NOX4: variants seen among roughly 807,000 people sequenced by gnomAD.
The protein encoded by NOX4 is kidney oxidase-1.
NOX4 carries 69 observed loss-of-function variants against 87.6 expected under a neutral mutation model. The observed-to-expected ratio is 0.79, with a 90% CI of 0.65 to 0.96. NOX4 has a LOEUF of 0.96. NOX4 is among the 40% of genes least tolerant of loss of function. The pLI is 0.00. For synonymous variants in NOX4, 275 were observed against 238.2 expected (o/e 1.15, Z -1.42); for missense variants, 680 against 681.5 (o/e 1.00, Z 0.02).
intron 7 of NOX4, among the ~76,000 whole-genome samples, chr11:89,423,692 T>A (rs1238376203): frequency 6.6e-6 from 1 of 151,628 alleles, no homozygotes; most frequent in Admixed American, 6.6e-5. Flanking sequence ...TTTGCTAAAT[T>A]AAAAAAAACA....
chr11:89,536,138 C>CT, the NOX4 span, among the ~76,000 whole-genome samples: 2,709 of 89,010 alleles, frequency 0.03, 348 homozygotes, highest in African/African-American at 0.082. Flanking sequence ...TGGTCCTTTT[C>CT]TTTTTTTTTT....
intron 8 of NOX4, among the ~76,000 whole-genome samples, chr11:89,419,969 T>C (rs917818491): frequency 3.3e-5 from 5 of 152,062 alleles, no homozygotes; most frequent in Admixed American, 6.6e-5. Flanking sequence ...CTATCTGATA[T>C]AGGGACATAG....
rs918224074 is a variant in NOX4, at chr11:89,457,197, G to A, written c.154-5302C>T. Among the ~76,000 whole-genome samples the A allele has an allele frequency of 1.1e-4, 16 of 152,270 alleles. No homozygotes were observed. The East Asian group carries it at 1.5e-3, about 15-fold the overall frequency. On this transcript the variant is annotated intron_variant, in intron 2 of 17. Coordinates refer to ENST00000263317, the MANE Select transcript of NOX4 (RefSeq NM_016931.5). ...CTCACCTCCCTTACCCAGCCAGTAC[G>A]TGTGTGTGAATGCATCCCACTGTGT...
At chr11:89,493,736 A>T (rs894075828), upstream of NOX4, among the ~76,000 whole-genome samples, 2 of 144,692 alleles carry the variant, frequency 1.4e-5, no homozygotes, top group African/African-American at 5.3e-5. Flanking sequence ...TATTATTATT[A>T]TTATTATTAT....
the NOX4 span, among the ~76,000 whole-genome samples, chr11:89,526,816 A>C: frequency 5.3e-5 from 8 of 152,224 alleles, no homozygotes; most frequent in African/African-American, 1.9e-4. Flanking sequence ...AGTCCCAGGC[A>C]GTTCTTTATA....
intron 8 of NOX4, among the ~76,000 whole-genome samples, chr11:89,420,694 A>T (rs373151381): frequency 1.2e-3 from 178 of 152,338 alleles, no homozygotes; most frequent in South Asian, 8.9e-3. Flanking sequence ...GATAAATTAC[A>T]TTATAAAACA....
At chr11:89,417,758 T>C (rs1293417062) in intron 8 of NOX4, among the ~76,000 whole-genome samples, 2 of 152,112 alleles carry the variant, frequency 1.3e-5, no homozygotes, top group Non-Finnish European at 2.9e-5. Context: ...TTGTTCTTAC[T>C]AACATTTATT....
intron 12 of NOX4, among the ~76,000 whole-genome samples, chr11:89,358,891 C>A (rs943771762): frequency 6.6e-6 from 1 of 151,974 alleles, no homozygotes; most frequent in Non-Finnish European, 1.5e-5. Flanking sequence ...ACAGCTCAGT[C>A]CTTTCACAGG....
Position 89,335,897 on chromosome 11 carries a change from C to T in NOX4, c.1564G>A (p.Gly522Arg), listed in dbSNP as rs1945688450. The change falls in exon 17 of 18, where the codon GGA becomes AGA. Residue 522 changes from glycine (G) to arginine (R), a missense_variant. Transcript: ENST00000263317. ...YHALNSRLFI[G>R]RPRWKLLFDE... is the part of the protein sequence containing the mutation. ...AACAAAAGTTTCCACCGAGGACGTC[C>T]TATAAACAGTCTTGAATTCAGTGCA... 1 of 1,601,342 alleles carries T rather than the reference C, an allele frequency of 6.2e-7. No individual in the cohort carries two copies. The highest frequency in any genetic ancestry group is 8.5e-7 in the Non-Finnish European group (1 of 1,173,850).
chr11:89,523,478 C>A, the NOX4 span, among the ~76,000 whole-genome samples: 1 of 152,150 alleles, frequency 6.6e-6, no homozygotes, highest in Admixed American at 6.5e-5. Context: ...TTAAAAGCTG[C>A]CATCTAAATG....
chr11:89,472,634 A>G (rs756851502), intron 2 of NOX4, among the ~76,000 whole-genome samples: 1 of 152,178 alleles, frequency 6.6e-6, no homozygotes, highest in Admixed American at 6.5e-5. Flanking sequence ...AAGGACACAT[A>G]GCTATTACAG....
chr11:89,442,866 G>C (rs145209475), intron 5 of NOX4, among the ~76,000 whole-genome samples: 2 of 152,240 alleles, frequency 1.3e-5, no homozygotes, highest in East Asian at 3.9e-4. Flanking sequence ...TCTGAAAAGA[G>C]AAGAAAAGAA....
intron 7 of NOX4, among the ~76,000 whole-genome samples, chr11:89,425,735 T>A (rs1327716604): frequency 6.6e-6 from 1 of 152,064 alleles, no homozygotes; most frequent in East Asian, 1.9e-4. Flanking sequence ...ACAGTATTAA[T>A]CTTTGGGTAG....
At chr11:89,517,510 C>T in the NOX4 span, among the ~76,000 whole-genome samples, 1 of 151,798 alleles carries the variant, frequency 6.6e-6, no homozygotes, top group African/African-American at 2.4e-5. Flanking sequence ...CTGTGTCATC[C>T]AGGCTGGAGT....
the NOX4 span, among the ~76,000 whole-genome samples, chr11:89,540,372 T>C: frequency 6.6e-6 from 1 of 152,146 alleles, no homozygotes; most frequent in African/African-American, 2.4e-5. Flanking sequence ...TGCCTGTACT[T>C]ACAGCTAAGT....
intron 11 of NOX4, among the ~76,000 whole-genome samples, chr11:89,391,254 G>A (rs1012555253): frequency 1.1e-4 from 17 of 152,096 alleles, no homozygotes; most frequent in Non-Finnish European, 1.9e-4. Context: ...GGAAAGGTCA[G>A]GAAACTTAAT....
At position 89,367,083 on chromosome 11, in the gene NOX4, T is replaced by C. The variant is rs535753570; in HGVS notation, c.1135+6349A>G. ...ACATTCATTGAATGATTTATTATAT[T>C]GTGATAGTAAATAAGCCATGTTAAG... On this transcript the variant is annotated intron_variant, in intron 12 of 17. Transcript: ENST00000263317. Among the ~76,000 whole-genome samples the C allele has an allele frequency of 3.3e-5, 5 of 152,278 alleles. No homozygotes were observed. The South Asian group carries it at 1.0e-3, about 32-fold the overall frequency.
At chr11:89,368,122 A>T (rs1939150682) in intron 12 of NOX4, among the ~76,000 whole-genome samples, 1 of 151,788 alleles carries the variant, frequency 6.6e-6, no homozygotes, top group Non-Finnish European at 1.5e-5. Flanking sequence ...ATATTATAAC[A>T]TAATTAGTAT....
At chr11:89,368,057 A>G (rs1279429615) in intron 12 of NOX4, among the ~76,000 whole-genome samples, 1 of 152,040 alleles carries the variant, frequency 6.6e-6, no homozygotes, top group Non-Finnish European at 1.5e-5. Context: ...TCTCTCCAGC[A>G]ATATAAAACT....
Sources: allele counts gnomAD v4.1 joint callset (sites outside exome capture counted in the v4.1 genomes callset), GRCh38; gene constraint gnomAD v4.1.1; transcripts MANE v1.5; gene names NCBI Gene and HGNC (gene_info 2026-07-23, HGNC 2026-07-21).